The following BLZF1 variants were observed in gnomAD, a reference collection of about 807,000 sequenced individuals.
BLZF1 encodes basic leucine zipper nuclear factor 1.
In BLZF1, 39 loss-of-function variants were observed where a neutral mutation model predicts 43.8. The observed-to-expected ratio is 0.89, with a 90% confidence interval of 0.69 to 1.16. The LOEUF (loss-of-function observed/expected upper bound fraction) is 1.16, where lower values mean the gene tolerates loss of function less well. Among genes scored for constraint, BLZF1 ranks in the 50% most tolerant of loss-of-function variants. The pLI, the probability that BLZF1 is intolerant of heterozygous loss-of-function variation, is 0.00. For missense variants in BLZF1, 449 were observed against 469.8 expected (o/e 0.96, Z 0.41); for synonymous variants, 136 against 159.4 (o/e 0.85, Z 1.11).
intron 3 of BLZF1, among the ~76,000 whole-genome samples, chr1:169,378,053 A>G (rs945008993): frequency 6.6e-6 from 1 of 151,974 alleles, no homozygotes; most frequent in African/African-American, 2.4e-5. Flanking sequence ...AGTGTTGACT[A>G]GAAGCAATTT....
At chr1:169,380,653 C>A (rs1317414149) in intron 5 of BLZF1, 44 bp downstream of exon 5, 1 of 1,596,538 alleles carries the variant, frequency 6.3e-7, no homozygotes, top group Non-Finnish European at 8.6e-7. Context: ...CTTTCTCCTG[C>A]AAATTAAGTT....
At chr1:169,377,319 C>T (rs1050560222) in intron 3 of BLZF1, 9 of 266,570 alleles carry the variant, frequency 3.4e-5, no homozygotes, top group African/African-American at 8.9e-5. Flanking sequence ...TTTAAGGATC[C>T]GTAAATTCCA....
At chr1:169,368,400 C>T (rs3818844) in intron 1 of BLZF1, 58 bp downstream of exon 1, 81,272 of 151,944 alleles carry the variant, frequency 0.53, 22,567 homozygotes, top group Non-Finnish European at 0.6. Flanking sequence ...GGAGGTCTGG[C>T]TGGAGCTCGG....
At chr1:169,370,720 C>T (rs142529649) in intron 2 of BLZF1, among the ~76,000 whole-genome samples, 61 of 152,226 alleles carry the variant, frequency 4.0e-4, no homozygotes, top group African/African-American at 1.4e-3. Context: ...GCCTCTTCTC[C>T]TTCTTATTTA....
intron 5 of BLZF1, among the ~76,000 whole-genome samples, chr1:169,381,764 G>A (rs1004676677): frequency 2.0e-5 from 3 of 152,102 alleles, no homozygotes; most frequent in Admixed American, 6.6e-5. Context: ...AAGAAAAACC[G>A]TATGAATATC....
intron 2 of BLZF1, among the ~76,000 whole-genome samples, chr1:169,372,697 A>G (rs924564616): frequency 1.3e-5 from 2 of 152,170 alleles, no homozygotes; most frequent in Non-Finnish European, 2.9e-5. Flanking sequence ...GGCTCTAGTG[A>G]GTTAGATTTC....
downstream of BLZF1, among the ~76,000 whole-genome samples, chr1:169,392,830 C>T (rs998105310): frequency 6.6e-6 from 1 of 152,184 alleles, no homozygotes; most frequent in Non-Finnish European, 1.5e-5. Context: ...AAGGTTTAGA[C>T]AGCTTTCTAG....
intron 4 of BLZF1, 35 bp downstream of exon 4, chr1:169,378,564 G>T: frequency 6.3e-7 from 1 of 1,596,798 alleles, no homozygotes; most frequent in South Asian, 1.1e-5. Flanking sequence ...TCACTTCCTA[G>T]TTTTTGCTCC....
downstream of BLZF1, among the ~76,000 whole-genome samples, chr1:169,388,856 C>T (rs924041173): frequency 1.3e-5 from 2 of 152,208 alleles, no homozygotes; most frequent in East Asian, 3.9e-4. Flanking sequence ...CGCAGTGGCT[C>T]ACGCCTGTAA....
rs1209352359 is a variant in BLZF1, at chr1:169,387,099, G to A, written c.1120G>A (p.Gly374Arg). 1 of 1,613,338 alleles carries A rather than the reference G, an allele frequency of 6.2e-7. No individual in the cohort carries two copies. The highest frequency in any genetic ancestry group is 1.7e-5 in the Admixed American group (1 of 59,878). Residue 374 changes from glycine (G) to arginine (R), a missense_variant, in exon 7 of 7, where the codon GGA becomes AGA. Physicochemically the swap from Gly to Arg is moderately radical, Grantham distance 125 (BLOSUM62 -2). Transcript: ENST00000367808. Reference protein sequence around the residue: ...TTLLATKKNIGRFHPYTRYEN... With the variant: ...TTLLATKKNIRRFHPYTRYEN... ...CTTACTTGCTACAAAGAAAAATATT[G>A]GACGATTTCATCCCTATACTAGATA...
chr1:169,383,678 A>C (rs988916065), intron 6 of BLZF1, among the ~76,000 whole-genome samples: 3 of 152,116 alleles, frequency 2.0e-5, no homozygotes, highest in Non-Finnish European at 4.4e-5. Context: ...CCTTTGTAAC[A>C]TCACTCTTTC....
At chr1:169,370,047 A>G (rs1203011833) in intron 2 of BLZF1, among the ~76,000 whole-genome samples, 1 of 152,242 alleles carries the variant, frequency 6.6e-6, no homozygotes, top group Non-Finnish European at 1.5e-5. Flanking sequence ...TTCGGAAGGC[A>G]TTAGAGACAC....
downstream of BLZF1, among the ~76,000 whole-genome samples, chr1:169,393,082 G>A (rs899482511): frequency 6.6e-6 from 1 of 151,994 alleles, no homozygotes; most frequent in African/African-American, 2.4e-5. Flanking sequence ...ACTGAGCCTG[G>A]GTGTATGGTC....
intron 3 of BLZF1, among the ~76,000 whole-genome samples, chr1:169,378,091 A>C (rs544665360): frequency 1.3e-5 from 2 of 152,030 alleles, no homozygotes; most frequent in Non-Finnish European, 2.9e-5. Context: ...TTTTACTCTT[A>C]CTACAAGAGG....
Position 169,378,409 on chromosome 1 carries a change from A to C in BLZF1, c.548A>C (p.Glu183Ala). 2 of 1,613,076 alleles carry C rather than the reference A, an allele frequency of 1.2e-6. No homozygotes were observed. Among genetic ancestry groups the C allele is most frequent in the Non-Finnish European group, 1.7e-6 (2 of 1,179,212 alleles). The change falls in exon 4 of 7, where the codon GAG becomes GCG. Residue 183 changes from glutamate (E) to alanine (A), a missense_variant. Glu to Ala is a moderately radical substitution (Grantham distance 107). Coordinates refer to ENST00000367808, the MANE Select transcript of BLZF1 (RefSeq NM_001320973.2). Reference protein sequence around the residue: ...LQYHFERLAREKNQLILENEA... With the variant: ...LQYHFERLARAKNQLILENEA... ...TATCACTTTGAACGTCTAGCCCGTGAGAAAAATCAGCTTATTTTAGAAAAT... is the reference window on the plus strand; with the variant it reads ...TATCACTTTGAACGTCTAGCCCGTGCGAAAAATCAGCTTATTTTAGAAAAT...
At chr1:169,379,710 C>T (rs566108027) in intron 4 of BLZF1, among the ~76,000 whole-genome samples, 4 of 151,736 alleles carry the variant, frequency 2.6e-5, no homozygotes, top group Non-Finnish European at 4.4e-5. Context: ...ATTTTTCAGC[C>T]GATTAACCAT....
At chr1:169,385,154 C>T (rs1395179174) in intron 6 of BLZF1, among the ~76,000 whole-genome samples, 1 of 152,164 alleles carries the variant, frequency 6.6e-6, no homozygotes, top group African/African-American at 2.4e-5. Flanking sequence ...TTTATCCAAC[C>T]ATTTTATTTC....
At chr1:169,392,390 T>A (rs1242530063), downstream of BLZF1, among the ~76,000 whole-genome samples, 1 of 152,178 alleles carries the variant, frequency 6.6e-6, no homozygotes, top group Non-Finnish European at 1.5e-5. Flanking sequence ...CAAGTACAGA[T>A]GATACTAACA....
chr1:169,395,617 T>A (rs1029263112), intron 7 of BLZF1, among the ~76,000 whole-genome samples: 1 of 152,212 alleles, frequency 6.6e-6, no homozygotes, highest in Admixed American at 6.5e-5. Context: ...CATGCAGAAA[T>A]GCTGCCTTAC....
Sources: gnomAD v4.1 joint callset for allele counts (sites outside exome capture counted in the v4.1 genomes callset) on GRCh38, gnomAD v4.1.1 for gene constraint, MANE v1.5 for transcripts, NCBI Gene and HGNC (gene_info 2026-07-23, HGNC 2026-07-21) for gene names.